FIP1L1: variants seen among roughly 807,000 people sequenced by gnomAD.
FIP1L1 encodes factor interacting with PAPOLA and CPSF1.
Under a neutral mutation model 84.6 loss-of-function variants are expected in FIP1L1, and 21 were observed. The ratio of observed to expected loss-of-function variants is 0.25; its 90% CI spans 0.18 to 0.36. The LOEUF is 0.36. Among genes scored for constraint, FIP1L1 ranks in the 10% least tolerant of loss-of-function variants. FIP1L1 has a pLI of 1.00. For synonymous variants in FIP1L1, 263 were observed against 242.3 expected, an observed-to-expected ratio of 1.09 and a Z score of -0.80; for missense variants, 526 against 751.1, an observed-to-expected ratio of 0.70 and a Z score of 3.50.
intron 11 of FIP1L1, among the ~76,000 whole-genome samples, chr4:53,418,013 C>T (rs1388139133): frequency 2.6e-5 from 4 of 152,130 alleles, no homozygotes; most frequent in Non-Finnish European, 5.9e-5. Flanking sequence ...TTGGGCTGGG[C>T]GCTGTGGCAC....
In FIP1L1 at chr4:53,399,733, C is replaced by A; in HGVS notation, c.709C>A (p.Gln237Lys). 1 of 1,603,798 alleles carries A rather than the reference C, an allele frequency of 6.2e-7. No individual in the cohort carries two copies. Among genetic ancestry groups the A allele is most frequent in the Non-Finnish European group, 8.5e-7 (1 of 1,172,734 alleles). ...CTAATAACCTTTTTTTTTTAAGGTACAGCAGGGAAGAACTGGAAACTCAGA... is the reference window on the plus strand; with the variant it reads ...CTAATAACCTTTTTTTTTTAAGGTAAAGCAGGGAAGAACTGGAAACTCAGA... ...QDGRFNLFKV[Q>K]QGRTGNSEKE... The change falls in exon 10 of 18, where the codon CAG (glutamine) becomes AAG (lysine). Residue 237 changes from glutamine (Q) to lysine (K), a missense_variant. Transcript: ENST00000337488.
intron 4 of FIP1L1, 32 bp from the exon 5 acceptor site, chr4:53,383,741 A>C: frequency 1.9e-6 from 3 of 1,566,486 alleles, no homozygotes; most frequent in Non-Finnish European, 2.6e-6. Context: ...GGATTACTGA[A>C]TGTATTTTAT....
chr4:53,413,621 G>A (rs1048135921), intron 10 of FIP1L1, among the ~76,000 whole-genome samples: 2 of 151,952 alleles, frequency 1.3e-5, no homozygotes, highest in Non-Finnish European at 2.9e-5. Flanking sequence ...CTATTCAGTA[G>A]TTTAGGATTT....
intron 10 of FIP1L1, among the ~76,000 whole-genome samples, chr4:53,413,280 G>T (rs1407726712): frequency 6.6e-6 from 1 of 151,876 alleles, no homozygotes; most frequent in African/African-American, 2.4e-5. Context: ...ATTCCTTTTA[G>T]TGGGGAATGG....
At chr4:53,437,349 AAAAAGAG>A (rs1445912052) in intron 13 of FIP1L1, among the ~76,000 whole-genome samples, 18 of 150,024 alleles carry the variant, frequency 1.2e-4, no homozygotes, top group East Asian at 5.8e-4. Flanking sequence ...AAAAAAAAAA[AAAAAGAG>A]AGAGAAATCA....
At chr4:53,383,066 A>G (rs969981267) in intron 4 of FIP1L1, among the ~76,000 whole-genome samples, 34 of 151,742 alleles carry the variant, frequency 2.2e-4, no homozygotes, top group African/African-American at 8.2e-4. Flanking sequence ...TATTTGTGAC[A>G]CTGTGAATCT....
At chr4:53,438,772 T>A (rs1486838040) in intron 13 of FIP1L1, among the ~76,000 whole-genome samples, 5 of 152,198 alleles carry the variant, frequency 3.3e-5, no homozygotes, top group Non-Finnish European at 7.4e-5. Context: ...TATCTCTACA[T>A]TTTGTGGAAG....
intron 9 of FIP1L1, among the ~76,000 whole-genome samples, chr4:53,395,959 C>A (rs913725646): frequency 1.1e-4 from 17 of 150,306 alleles, no homozygotes; most frequent in Non-Finnish European, 1.5e-5. Context: ...ACTCTTGTTG[C>A]CCATGCTGGA....
chr4:53,409,316 C>T (rs1248095205), intron 10 of FIP1L1, among the ~76,000 whole-genome samples: 3 of 152,174 alleles, frequency 2.0e-5, no homozygotes, highest in Admixed American at 1.3e-4. Context: ...AGCGGATTTT[C>T]GTGAACCGCG....
Position 53,410,556 on chromosome 4 carries a change from A to G in FIP1L1, c.816-4059A>G, listed in dbSNP as rs182419071. ...TTTATGACCCATTTTGAACTTGAAT[A>G]AGAAAATTGCTCGAATTTGCTTTTT... On this transcript the variant is annotated intron_variant, in intron 10 of 17. Transcript: ENST00000337488. Among the ~76,000 whole-genome samples the G allele has an allele frequency of 3.4e-4, 52 of 152,334 alleles. No homozygotes were observed. In the East Asian group the frequency reaches 8.9e-3, roughly 26 times the overall value.
Position 53,390,547 on chromosome 4 carries a change from G to C in FIP1L1, c.424G>C (p.Asp142His). 3.7e-6 allele frequency: 6 copies of C among 1,612,846 alleles called. No individual in the cohort carries two copies. Among genetic ancestry groups the C allele is most frequent in the Non-Finnish European group, 5.1e-6 (6 of 1,179,128 alleles). ...GACAAAAGTCAAAGGAGTAGACCTTGATGCACCTGGAAGCATTAATGGAGT... is the reference window on the plus strand; with the variant it reads ...GACAAAAGTCAAAGGAGTAGACCTTCATGCACCTGGAAGCATTAATGGAGT... ...TGTKVKGVDL[D>H]APGSINGVPL... Residue 142 changes from aspartate (D) to histidine (H), a missense_variant, in exon 7 of 18, where the codon GAT (aspartate) becomes CAT (histidine). Around this residue, in one of 6 missense-constraint regions of FIP1L1, gnomAD observed 169 missense variants for 206.9 expected, o/e 0.82. Transcript: ENST00000337488.
intron 15 of FIP1L1, among the ~76,000 whole-genome samples, chr4:53,444,978 G>C (rs1773579855): frequency 6.6e-6 from 1 of 152,100 alleles, no homozygotes; most frequent in Admixed American, 6.5e-5. Context: ...GGGTGTCATG[G>C]GAGCATAGCA....
chr4:53,393,448 A>G (rs948883858), intron 9 of FIP1L1, among the ~76,000 whole-genome samples: 3 of 152,252 alleles, frequency 2.0e-5, no homozygotes, highest in Admixed American at 2.0e-4. Flanking sequence ...AATAGTACAC[A>G]TGAACCCTTA....
intron 10 of FIP1L1, among the ~76,000 whole-genome samples, chr4:53,406,763 T>A (rs1753736354): frequency 6.6e-6 from 1 of 152,266 alleles, no homozygotes; most frequent in African/African-American, 2.4e-5. Flanking sequence ...GAGGAATTTA[T>A]CCATGTCTTC....
intron 10 of FIP1L1, among the ~76,000 whole-genome samples, chr4:53,405,406 C>A (rs1752762267): frequency 6.6e-6 from 1 of 152,198 alleles, no homozygotes; most frequent in Non-Finnish European, 1.5e-5. Context: ...GTTTTGGTTA[C>A]TGTAGCCTTG....
intron 12 of FIP1L1, among the ~76,000 whole-genome samples, chr4:53,427,727 T>C (rs1487240254): frequency 1.3e-5 from 2 of 152,218 alleles, no homozygotes; most frequent in African/African-American, 2.4e-5. Flanking sequence ...GAAGTACTTT[T>C]TTCTTGTGTG....
chr4:53,454,645 GAGTCGATTTACCATAATTCTA>G (rs1482234930), intron 16 of FIP1L1, among the ~76,000 whole-genome samples: 9 of 152,270 alleles, frequency 5.9e-5, no homozygotes, highest in South Asian at 2.1e-4. Flanking sequence ...AGCACAGGCA[GAGTCGATTTACCATAATTCTA>G]AGTCGATTTA....
intron 15 of FIP1L1, among the ~76,000 whole-genome samples, chr4:53,449,673 G>T (rs1227767581): frequency 2.0e-5 from 3 of 151,602 alleles, no homozygotes; most frequent in Non-Finnish European, 4.4e-5. Flanking sequence ...TTCCCTATTT[G>T]CTGGGAGTTT....
chr4:53,410,191 A>G (rs763379936), intron 10 of FIP1L1, among the ~76,000 whole-genome samples: 23 of 152,216 alleles, frequency 1.5e-4, no homozygotes, highest in Non-Finnish European at 3.1e-4. Flanking sequence ...GGAATGGTTC[A>G]TTGTTGCATA....
Sources: allele counts gnomAD v4.1 joint callset (sites outside exome capture counted in the v4.1 genomes callset), GRCh38; gene constraint gnomAD v4.1.1; regional missense constraint gnomAD v4.1.1; transcripts MANE v1.5; gene names NCBI Gene and HGNC (gene_info 2026-07-23, HGNC 2026-07-21).